Variants in CNTNAP2 observed in about 807,000 individuals in gnomAD.
CNTNAP2 encodes the protein contactin associated protein 2.
CNTNAP2 carries 98 observed loss-of-function variants against 155.2 expected under a neutral mutation model. The observed-to-expected ratio is 0.63, with a 90% CI of 0.54 to 0.75. CNTNAP2 has a LOEUF of 0.75. Among genes scored for constraint, CNTNAP2 ranks in the 30% least tolerant of loss-of-function variants. The probability of loss-of-function intolerance (pLI) is 0.00; values close to 1 mark genes in which losing one functional copy is unlikely to be tolerated. For synonymous variants in CNTNAP2, 651 were observed against 631.2 expected (o/e 1.03, Z -0.47); for missense variants, 1,727 against 1,688.1 (o/e 1.02, Z -0.40).
chr7:146,626,591 G>A (rs921260307), intron 1 of CNTNAP2, among the ~76,000 whole-genome samples: 3 of 151,966 alleles, frequency 2.0e-5, no homozygotes, highest in African/African-American at 7.3e-5. Flanking sequence ...TGTAAATACA[G>A]AATATCATTG....
At chr7:147,538,571 G>T (rs1423041786) in intron 11 of CNTNAP2, among the ~76,000 whole-genome samples, 1 of 151,998 alleles carries the variant, frequency 6.6e-6, no homozygotes, top group African/African-American at 2.4e-5. Flanking sequence ...GATCGCTTGA[G>T]CCCAGGAGGT....
At chr7:147,356,022 T>C (rs1796056950) in intron 9 of CNTNAP2, among the ~76,000 whole-genome samples, 1 of 152,080 alleles carries the variant, frequency 6.6e-6, no homozygotes, top group African/African-American at 2.4e-5. Flanking sequence ...GGAACATTGA[T>C]GCAAAAATCC....
intron 8 of CNTNAP2, among the ~76,000 whole-genome samples, chr7:147,153,592 G>A (rs184897985): frequency 1.9e-3 from 286 of 152,274 alleles, no homozygotes; most frequent in African/African-American, 6.6e-3. Flanking sequence ...TGACTTAAGT[G>A]TTTGAAGTAC....
intron 1 of CNTNAP2, among the ~76,000 whole-genome samples, chr7:146,150,286 T>C (rs1798018074): frequency 6.6e-6 from 1 of 152,080 alleles, no homozygotes; most frequent in Admixed American, 6.6e-5. Context: ...GTAACTAAAC[T>C]CACATACTCT....
chr7:146,736,747 G>C (rs1801627420), intron 1 of CNTNAP2, among the ~76,000 whole-genome samples: 1 of 152,104 alleles, frequency 6.6e-6, no homozygotes, highest in Non-Finnish European at 1.5e-5. Context: ...ATAATCAAAT[G>C]CTTCATCTGA....
intron 23 of CNTNAP2, among the ~76,000 whole-genome samples, chr7:148,411,767 T>C (rs1346126595): frequency 6.9e-6 from 1 of 143,998 alleles, no homozygotes; most frequent in Non-Finnish European, 1.5e-5. Context: ...TATCTAGTCA[T>C]TCCAAGACCA....
intron 1 of CNTNAP2, among the ~76,000 whole-genome samples, chr7:146,457,782 T>G (rs1050337383): frequency 3.0e-4 from 46 of 151,860 alleles, no homozygotes; most frequent in African/African-American, 1.0e-3. Flanking sequence ...GGATTACAGG[T>G]GTGAACAACT....
intron 1 of CNTNAP2, among the ~76,000 whole-genome samples, chr7:146,178,089 AGTGAC>A (rs1798496042): frequency 6.6e-6 from 1 of 152,066 alleles, no homozygotes; most frequent in Admixed American, 6.5e-5. Context: ...GCTAGAGTGT[AGTGAC>A]GTGATCTCGG....
At chr7:146,341,956 A>G (rs1052298158) in intron 1 of CNTNAP2, among the ~76,000 whole-genome samples, 1 of 152,158 alleles carries the variant, frequency 6.6e-6, no homozygotes, top group Non-Finnish European at 1.5e-5. Context: ...TGAAAATCCT[A>G]TATTTGCAGC....
chr7:147,464,891 G>A (rs1357483806), intron 10 of CNTNAP2, among the ~76,000 whole-genome samples: 1 of 152,170 alleles, frequency 6.6e-6, no homozygotes, highest in Non-Finnish European at 1.5e-5. Context: ...CAATCTTCAT[G>A]GCCAAGAGGC....
chr7:146,903,543 A>G (rs1205156276), intron 3 of CNTNAP2, among the ~76,000 whole-genome samples: 1 of 152,210 alleles, frequency 6.6e-6, no homozygotes, highest in Non-Finnish European at 1.5e-5. Flanking sequence ...TTTTATTCAT[A>G]CAAAATTAGT....
At chr7:147,717,458 G>A (rs1796498099) in intron 13 of CNTNAP2, among the ~76,000 whole-genome samples, 1 of 152,068 alleles carries the variant, frequency 6.6e-6, no homozygotes, top group African/African-American at 2.4e-5. Flanking sequence ...CCATTTCATG[G>A]AAATGGGAAC....
At chr7:146,813,418 T>C (rs972558242) in intron 2 of CNTNAP2, among the ~76,000 whole-genome samples, 4 of 152,206 alleles carry the variant, frequency 2.6e-5, no homozygotes, top group African/African-American at 7.2e-5. Context: ...CTTTGGAATT[T>C]TAAGGTTTAA....
At chr7:146,656,117 G>T (rs953502518) in intron 1 of CNTNAP2, among the ~76,000 whole-genome samples, 18 of 152,170 alleles carry the variant, frequency 1.2e-4, no homozygotes, top group African/African-American at 3.6e-4. Flanking sequence ...ACCGCAACCC[G>T]GTTAACCACC....
intron 8 of CNTNAP2, among the ~76,000 whole-genome samples, chr7:147,262,752 G>A (rs1042724726): frequency 6.6e-6 from 1 of 152,180 alleles, no homozygotes; most frequent in Middle Eastern, 3.2e-3. Context: ...CTTGCAGTGA[G>A]CCGAGATCGC....
At chr7:146,348,395 A>C (rs1033208672) in intron 1 of CNTNAP2, among the ~76,000 whole-genome samples, 1 of 152,162 alleles carries the variant, frequency 6.6e-6, no homozygotes, top group African/African-American at 2.4e-5. Flanking sequence ...ACTGCACTCC[A>C]GCCTGGGCAA....
chr7:146,671,912 T>C (rs570768490), intron 1 of CNTNAP2, among the ~76,000 whole-genome samples: 11 of 152,012 alleles, frequency 7.2e-5, no homozygotes, highest in African/African-American at 2.7e-4. Context: ...GCCGCCTGGG[T>C]TCAAGCGATT....
chr7:147,033,109 T>C (rs997256838), intron 3 of CNTNAP2, among the ~76,000 whole-genome samples: 1 of 147,180 alleles, frequency 6.8e-6, no homozygotes, highest in Non-Finnish European at 1.5e-5. Flanking sequence ...TGTATTTATT[T>C]GGGTAAAGAG....
chr7:147,261,388 C>G (rs1255834275), intron 8 of CNTNAP2, among the ~76,000 whole-genome samples: 1 of 152,100 alleles, frequency 6.6e-6, no homozygotes, highest in Non-Finnish European at 1.5e-5. Context: ...ACACCCTCTA[C>G]CCCCAGAGAT....
Sources: gnomAD v4.1 joint callset for allele counts (sites outside exome capture counted in the v4.1 genomes callset) on GRCh38, gnomAD v4.1.1 for gene constraint, MANE v1.5 for transcripts, NCBI Gene and HGNC (gene_info 2026-07-23, HGNC 2026-07-21) for gene names.